CPNE4: variants seen among roughly 807,000 people sequenced by gnomAD.
CPNE4 encodes the protein copine-4.
A neutral mutation model predicts 67.9 loss-of-function variants in CPNE4; 25 were observed. The observed-to-expected ratio is 0.37, with a 90% CI of 0.27 to 0.51. The LOEUF (loss-of-function observed/expected upper bound fraction) is 0.51, where lower values mean the gene tolerates loss of function less well. CPNE4 is among the 20% of genes least tolerant of loss of function. CPNE4 has a pLI of 0.93. For synonymous variants in CPNE4, 242 were observed against 244.9 expected, an observed-to-expected ratio of 0.99 and a Z score of 0.11; for missense variants, 464 against 690.8, an observed-to-expected ratio of 0.67 and a Z score of 3.68.
At chr3:132,011,139 C>T (rs2073751647) in intron 1 of CPNE4, among the ~76,000 whole-genome samples, 1 of 152,148 alleles carries the variant, frequency 6.6e-6, no homozygotes, top group African/African-American at 2.4e-5. Flanking sequence ...CAAAGTCACC[C>T]TACATGGATG....
At chr3:131,898,538 C>G (rs1378964736) in intron 2 of CPNE4, among the ~76,000 whole-genome samples, 1 of 152,088 alleles carries the variant, frequency 6.6e-6, no homozygotes, top group Non-Finnish European at 1.5e-5. Context: ...CATCTGTAAC[C>G]TGAATTTCCC....
intron 1 of CPNE4, among the ~76,000 whole-genome samples, chr3:132,007,802 A>G (rs1394372565): frequency 6.6e-6 from 1 of 152,116 alleles, no homozygotes; most frequent in African/African-American, 2.4e-5. Context: ...TCTCACAGTC[A>G]CTTGCTCATG....
intron 3 of CPNE4, among the ~76,000 whole-genome samples, chr3:131,713,988 C>T (rs952967780): frequency 5.3e-5 from 8 of 152,026 alleles, no homozygotes; most frequent in Non-Finnish European, 7.4e-5. Flanking sequence ...TCATCACTCA[C>T]GTGGCTTCTG....
chr3:131,570,106 A>G, intron 10 of CPNE4, among the ~76,000 whole-genome samples: 1 of 151,732 alleles, frequency 6.6e-6, no homozygotes. Flanking sequence ...CATAGTCAAT[A>G]CTAAATAACT....
intron 7 of CPNE4, among the ~76,000 whole-genome samples, chr3:131,635,601 G>A (rs182384468): frequency 6.6e-6 from 1 of 152,238 alleles, no homozygotes; most frequent in Admixed American, 6.5e-5. Context: ...TAGCCCTATT[G>A]GACTGTGCCA....
intron 2 of CPNE4, among the ~76,000 whole-genome samples, chr3:131,889,152 T>C (rs965983095): frequency 1.3e-5 from 2 of 152,204 alleles, no homozygotes; most frequent in African/African-American, 4.8e-5. Flanking sequence ...TAGATCCTTA[T>C]AATAAACCCA....
chr3:132,037,673 G>C, upstream of CPNE4: 3 of 1,415,306 alleles, frequency 2.1e-6, no homozygotes, highest in Non-Finnish European at 2.9e-6. Flanking sequence ...AAGTTGCAAA[G>C]GAAGCTTCAG....
At chr3:131,963,438 TCTCA>T (rs2072243519) in intron 1 of CPNE4, among the ~76,000 whole-genome samples, 1 of 151,776 alleles carries the variant, frequency 6.6e-6, no homozygotes, top group Admixed American at 6.6e-5. Context: ...AGCCAAGTGG[TCTCA>T]CTCAGTGGGT....
intron 2 of CPNE4, among the ~76,000 whole-genome samples, chr3:131,829,514 G>A (rs979982789): frequency 6.6e-6 from 1 of 152,100 alleles, no homozygotes; most frequent in African/African-American, 2.4e-5. Flanking sequence ...CATGGCCGAA[G>A]GTTAGTAAAT....
chr3:131,918,603 G>A (rs1010332113), intron 1 of CPNE4, among the ~76,000 whole-genome samples: 4 of 152,160 alleles, frequency 2.6e-5, no homozygotes, highest in African/African-American at 4.8e-5. Context: ...AAAACCACAC[G>A]TGGAGTTTCC....
intron 2 of CPNE4, among the ~76,000 whole-genome samples, chr3:131,819,850 A>C (rs936227540): frequency 1.3e-5 from 2 of 152,180 alleles, no homozygotes; most frequent in East Asian, 1.9e-4. Flanking sequence ...AATGATGTGG[A>C]AAGTATGACT....
chr3:131,536,740 A>G (rs933173140), intron 15 of CPNE4, among the ~76,000 whole-genome samples: 1 of 152,228 alleles, frequency 6.6e-6, no homozygotes, highest in African/African-American at 2.4e-5. Flanking sequence ...CATGATGGAC[A>G]TTTGTGATCT....
intron 1 of CPNE4, among the ~76,000 whole-genome samples, chr3:131,970,310 T>C (rs538048333): frequency 6.6e-6 from 1 of 152,348 alleles, no homozygotes; most frequent in Non-Finnish European, 1.5e-5. Flanking sequence ...AAGCAAGACA[T>C]GAGCTTTTCT....
At chr3:131,740,626 C>T (rs1047956217) in intron 2 of CPNE4, among the ~76,000 whole-genome samples, 2 of 152,172 alleles carry the variant, frequency 1.3e-5, no homozygotes, top group Non-Finnish European at 2.9e-5. Context: ...TCTCTCTTCT[C>T]TTGGATTATT....
intron 2 of CPNE4, among the ~76,000 whole-genome samples, chr3:131,782,422 T>C (rs1583189354): frequency 6.6e-6 from 1 of 152,098 alleles, no homozygotes; most frequent in South Asian, 2.1e-4. Flanking sequence ...TGATGCACTT[T>C]AGACATATAT....
intron 7 of CPNE4, among the ~76,000 whole-genome samples, chr3:131,629,159 A>G (rs2079156447): frequency 6.6e-6 from 1 of 152,020 alleles, no homozygotes; most frequent in Non-Finnish European, 1.5e-5. Flanking sequence ...AGACTTATTC[A>G]CTATCACGAG....
intron 2 of CPNE4, among the ~76,000 whole-genome samples, chr3:131,841,340 TA>T (rs1336499777): frequency 6.6e-6 from 1 of 152,146 alleles, no homozygotes; most frequent in Non-Finnish European, 1.5e-5. Context: ...ATTACATCAC[TA>T]AGCATGCATA....
At chr3:131,862,870 C>T (rs2086751843) in intron 2 of CPNE4, among the ~76,000 whole-genome samples, 1 of 151,728 alleles carries the variant, frequency 6.6e-6, no homozygotes, top group Admixed American at 6.6e-5. Context: ...CCCCCCACCC[C>T]ACAACAGGCC....
At chr3:131,851,512 G>T (rs1338160101) in intron 2 of CPNE4, among the ~76,000 whole-genome samples, 1 of 152,052 alleles carries the variant, frequency 6.6e-6, no homozygotes, top group Non-Finnish European at 1.5e-5. Flanking sequence ...AGATTAACAT[G>T]TCAGTAAAGA....
Sources: gnomAD v4.1 joint callset for allele counts (sites outside exome capture counted in the v4.1 genomes callset) on GRCh38, gnomAD v4.1.1 for gene constraint, MANE v1.5 for transcripts, NCBI Gene and HGNC (gene_info 2026-07-23, HGNC 2026-07-21) for gene names.